Variants in LEKR1 observed in about 807,000 individuals in gnomAD.
The protein encoded by LEKR1 is protein LEKR1.
Under a neutral mutation model 72.4 loss-of-function variants are expected in LEKR1, and 59 were observed. The observed-to-expected ratio is 0.82, with a 90% CI of 0.66 to 1.01. LEKR1 has a LOEUF of 1.01. Ranked by LOEUF, LEKR1 falls within the 50% of genes least tolerant of loss-of-function variation. The pLI, the probability that LEKR1 is intolerant of heterozygous loss-of-function variation, is 0.00. For missense variants in LEKR1, 728 were observed against 759.2 expected (o/e 0.96, Z 0.48); for synonymous variants, 257 against 263.2 (o/e 0.98, Z 0.23).
intron 7 of LEKR1, among the ~76,000 whole-genome samples, chr3:156,989,298 T>G (rs1730965161): frequency 6.6e-6 from 1 of 152,238 alleles, no homozygotes; most frequent in African/African-American, 2.4e-5. Flanking sequence ...AAGTTTTTTA[T>G]TTGTATAAGT....
At chr3:156,972,734 CTTAAT>C (rs753539717) in intron 6 of LEKR1, among the ~76,000 whole-genome samples, 6 of 149,408 alleles carry the variant, frequency 4.0e-5, no homozygotes, top group Non-Finnish European at 8.9e-5. Context: ...TTTAAATAAA[CTTAAT>C]TTAAATAATT....
In LEKR1 at chr3:156,969,805, C is replaced by G. The variant is rs556505665; in HGVS notation, c.746-9389C>G. On this transcript the variant is annotated intron_variant, in intron 6 of 12. Transcript: ENST00000356539. ...GCATCATCCTGATACCAAAGCCTGG[C>G]AGAGACACAACAAAAAAAGAGAATT... Among the ~76,000 whole-genome samples the G allele has an allele frequency of 2.2e-3, 339 of 152,256 alleles. 1 individual carries two copies. Among genetic ancestry groups the G allele is most frequent in the African/African-American group, 6.5e-3 (270 of 41,556 alleles).
intron 4 of LEKR1, among the ~76,000 whole-genome samples, chr3:156,922,763 A>G (rs1266189150): frequency 6.6e-6 from 1 of 152,230 alleles, no homozygotes; most frequent in African/African-American, 2.4e-5. Flanking sequence ...TATAAAATAG[A>G]TATTAAAAAC....
intron 6 of LEKR1, among the ~76,000 whole-genome samples, chr3:156,966,855 T>G (rs1423702411): frequency 6.6e-6 from 1 of 152,072 alleles, no homozygotes; most frequent in Non-Finnish European, 1.5e-5. Context: ...GACCTCCAAG[T>G]AGCCTAACTG....
At chr3:157,011,309 A>C (rs1732865553) in intron 9 of LEKR1, 104 bp from the exon 10 acceptor site, 1 of 749,230 alleles carries the variant, frequency 1.3e-6, no homozygotes, top group African/African-American at 1.7e-5. Flanking sequence ...TGAAGAAAAT[A>C]AACAGACTAA....
intron 6 of LEKR1, among the ~76,000 whole-genome samples, chr3:156,945,092 A>G (rs935025599): frequency 1.3e-5 from 2 of 151,562 alleles, no homozygotes; most frequent in African/African-American, 4.8e-5. Flanking sequence ...ATTTTCTGTC[A>G]TTTGGATAAA....
intron 2 of LEKR1, among the ~76,000 whole-genome samples, chr3:156,832,778 C>T (rs1282990217): frequency 6.6e-6 from 1 of 152,054 alleles, no homozygotes; most frequent in Non-Finnish European, 1.5e-5. Context: ...GGTATGAGAC[C>T]AGTATTTCCA....
intron 12 of LEKR1, among the ~76,000 whole-genome samples, chr3:157,042,743 G>T (rs556790213): frequency 6.6e-6 from 1 of 152,096 alleles, no homozygotes; most frequent in African/African-American, 2.4e-5. Context: ...ATTCCATATT[G>T]TTGTGCCTGT....
rs183106891 is a variant in LEKR1 at position 156,958,486 on chromosome 3, C to T, written c.745+15772C>T. Among the ~76,000 whole-genome samples the T allele has an allele frequency of 3.6e-3, 551 of 152,136 alleles. 2 individuals are homozygous for T. The highest frequency in any genetic ancestry group is 0.013 in the African/African-American group (522 of 41,520). ...GTCCATGAGGGACTTTCCTGATTTT[C>T]CCACCTCCAGTGCCCCAAGCCTGCC... On this transcript the variant is annotated intron_variant, in intron 6 of 12. Coordinates refer to ENST00000356539, the MANE Select transcript of LEKR1 (RefSeq NM_001004316.3).
At chr3:156,971,389 A>G (rs1355892746) in intron 6 of LEKR1, among the ~76,000 whole-genome samples, 3 of 152,242 alleles carry the variant, frequency 2.0e-5, no homozygotes, top group Non-Finnish European at 2.9e-5. Flanking sequence ...TAAAAACCCT[A>G]GAAGAAAACC....
chr3:156,998,714 T>C (rs1186736453), intron 9 of LEKR1, among the ~76,000 whole-genome samples: 1 of 152,216 alleles, frequency 6.6e-6, no homozygotes, highest in Non-Finnish European at 1.5e-5. Context: ...AAATGCAGTT[T>C]ACTAAATTGT....
At chr3:157,003,631 C>G (rs1024653014) in intron 9 of LEKR1, among the ~76,000 whole-genome samples, 1 of 152,142 alleles carries the variant, frequency 6.6e-6, no homozygotes, top group African/African-American at 2.4e-5. Flanking sequence ...AACCCTCTGC[C>G]CCATCCAGAT....
chr3:156,947,799 T>G (rs912570140), intron 6 of LEKR1, among the ~76,000 whole-genome samples: 23 of 151,380 alleles, frequency 1.5e-4, no homozygotes, highest in African/African-American at 5.5e-4. Context: ...ATATGACTTA[T>G]TAGCATATTC....
At chr3:156,849,251 TAA>T (rs1200680824) in intron 2 of LEKR1, among the ~76,000 whole-genome samples, 2 of 152,036 alleles carry the variant, frequency 1.3e-5, no homozygotes, top group African/African-American at 2.4e-5. Flanking sequence ...CTCAATGAAA[TAA>T]AAGAGGATAG....
chr3:156,870,503 A>C (rs1717800136), intron 3 of LEKR1, among the ~76,000 whole-genome samples: 1 of 152,086 alleles, frequency 6.6e-6, no homozygotes, highest in East Asian at 1.9e-4. Flanking sequence ...CATTATTGGT[A>C]TATAGAAACA....
intron 3 of LEKR1, among the ~76,000 whole-genome samples, chr3:156,861,238 C>T (rs1206868575): frequency 6.6e-6 from 1 of 152,096 alleles, no homozygotes; most frequent in Non-Finnish European, 1.5e-5. Context: ...AAAATAAATA[C>T]ATCAACAACT....
intron 3 of LEKR1, among the ~76,000 whole-genome samples, chr3:156,864,049 G>A (rs1717054144): frequency 6.6e-6 from 1 of 151,996 alleles, no homozygotes; most frequent in East Asian, 1.9e-4. Flanking sequence ...GTAGTGAGAT[G>A]GAAAATTATT....
chr3:156,974,974 G>A (rs746140206), intron 6 of LEKR1, among the ~76,000 whole-genome samples: 21 of 152,172 alleles, frequency 1.4e-4, no homozygotes, highest in Non-Finnish European at 2.6e-4. Context: ...AAGTGGAAGA[G>A]TAGCCTTCAT....
intron 5 of LEKR1, among the ~76,000 whole-genome samples, chr3:156,939,654 A>G (rs1288844100): frequency 1.3e-5 from 2 of 152,216 alleles, no homozygotes; most frequent in African/African-American, 2.4e-5. Context: ...AGTAGCAGGT[A>G]TGAGTAAAAT....
Sources: gnomAD v4.1 joint callset for allele counts (sites outside exome capture counted in the v4.1 genomes callset) on GRCh38, gnomAD v4.1.1 for gene constraint, MANE v1.5 for transcripts, NCBI Gene and HGNC (gene_info 2026-07-23, HGNC 2026-07-21) for gene names.